The following USP15 variants were observed in gnomAD, a reference collection of about 807,000 sequenced individuals.
USP15 encodes the protein ubiquitin carboxyl-terminal hydrolase 15.
Under a neutral mutation model 127.1 loss-of-function variants are expected in USP15, and 18 were observed. The ratio of observed to expected loss-of-function variants is 0.14; its 90% confidence interval spans 0.10 to 0.21. The LOEUF is 0.21. Ranked by LOEUF, USP15 falls within the 10% of genes least tolerant of loss-of-function variation. The pLI is 1.00. For synonymous variants in USP15, 364 were observed against 393.7 expected (o/e 0.92, Z 0.89); for missense variants, 805 against 1,159.9 (o/e 0.69, Z 4.44).
At chr12:62,381,695 A>G in intron 9 of USP15, 32 bp downstream of exon 9, 2 of 1,591,634 alleles carry the variant, frequency 1.3e-6, no homozygotes, top group Non-Finnish European at 1.7e-6. Flanking sequence ...TAGCAAGGGT[A>G]CCTGCAAGGG....
intron 1 of USP15, among the ~76,000 whole-genome samples, chr12:62,277,209 A>C (rs191264627): frequency 1.3e-5 from 2 of 152,304 alleles, no homozygotes; most frequent in Non-Finnish European, 2.9e-5. Context: ...CACTTCCACA[A>C]GCAGACAATC....
At chr12:62,358,577 A>G (rs557692673) in intron 8 of USP15, among the ~76,000 whole-genome samples, 1 of 152,152 alleles carries the variant, frequency 6.6e-6, no homozygotes, top group South Asian at 2.1e-4. Context: ...TTAGCCGGGC[A>G]TGATGGTGGA....
intron 6 of USP15, among the ~76,000 whole-genome samples, chr12:62,346,335 TC>T (rs1159625829): frequency 2.2e-4 from 33 of 152,258 alleles, no homozygotes; most frequent in Non-Finnish European, 8.8e-5. Flanking sequence ...TTAGTGCTAC[TC>T]CTTTGATTCA....
chr12:62,368,620 A>G (rs762199577), intron 8 of USP15, among the ~76,000 whole-genome samples: 4 of 152,032 alleles, frequency 2.6e-5, no homozygotes, highest in Non-Finnish European at 4.4e-5. Flanking sequence ...ATCAAAGATT[A>G]CGCAACCCCT....
chr12:62,290,591 T>C (rs2063933359), intron 1 of USP15, among the ~76,000 whole-genome samples: 1 of 152,210 alleles, frequency 6.6e-6, no homozygotes, highest in South Asian at 2.1e-4. Context: ...AAGTAGAGCA[T>C]TTAACTCATT....
chr12:62,294,942 G>A (rs557650432), intron 2 of USP15, among the ~76,000 whole-genome samples: 4 of 152,272 alleles, frequency 2.6e-5, no homozygotes, highest in Admixed American at 2.6e-4. Flanking sequence ...AAATAGGTAA[G>A]CCCTCCAACT....
chr12:62,342,406 T>C (rs917654809), intron 6 of USP15, among the ~76,000 whole-genome samples: 1 of 151,904 alleles, frequency 6.6e-6, no homozygotes, highest in African/African-American at 2.4e-5. Flanking sequence ...CTGAAATCTT[T>C]TGTTAATTCA....
At chr12:62,374,860 G>A (rs889040375) in intron 8 of USP15, among the ~76,000 whole-genome samples, 1 of 152,034 alleles carries the variant, frequency 6.6e-6, no homozygotes, top group African/African-American at 2.4e-5. Flanking sequence ...GCAATGCATT[G>A]CATCTTTCCA....
At chr12:62,336,229 G>C (rs1337420817) in intron 6 of USP15, 1 of 985,262 alleles carries the variant, frequency 1.0e-6, no homozygotes, top group Non-Finnish European at 1.2e-6. Flanking sequence ...ATGCCATTCT[G>C]TATTTCTAGA....
chr12:62,278,258 G>T (rs532552546), intron 1 of USP15, among the ~76,000 whole-genome samples: 1 of 152,074 alleles, frequency 6.6e-6, no homozygotes, highest in Admixed American at 6.6e-5. Context: ...TGATATCAGT[G>T]CCTTCATCTG....
intron 8 of USP15, among the ~76,000 whole-genome samples, chr12:62,362,872 G>A (rs1160394919): frequency 2.0e-5 from 3 of 152,136 alleles, no homozygotes; most frequent in Non-Finnish European, 4.4e-5. Flanking sequence ...TTTAAGCTGG[G>A]TGTCATATTT....
At chr12:62,358,025 A>C (rs751518126) in intron 8 of USP15, among the ~76,000 whole-genome samples, 23 of 152,150 alleles carry the variant, frequency 1.5e-4, no homozygotes, top group Non-Finnish European at 2.6e-4. Flanking sequence ...GACGTTCATG[A>C]ATTTTAGAAA....
At position 62,325,803 on chromosome 12, in the gene USP15, G is replaced by T; in HGVS notation, c.622-69G>T. ...TTACTTTAGTTTCTTAGTTTATCCA[G>T]CTATCTTCTAAAGTTATTTTAACTT... On this transcript the variant is annotated intron_variant, in intron 5 of 21. Transcript: ENST00000280377. 6 of 1,305,378 alleles carry T rather than the reference G, an allele frequency of 4.6e-6. No individual in the cohort carries two copies. The Admixed American group carries it at 1.1e-4, about 23-fold the overall frequency. 80.9% of individuals were successfully genotyped at this position (1,305,378 alleles called of 1,614,324 possible). A position where few individuals can be genotyped will look rare whatever the true frequency, so the allele number is the denominator to read the frequency against.
At chr12:62,348,494 G>A (rs2065882294) in intron 6 of USP15, among the ~76,000 whole-genome samples, 1 of 152,120 alleles carries the variant, frequency 6.6e-6, no homozygotes, top group Admixed American at 6.5e-5. Context: ...TTGCCTAGAT[G>A]TTGCCTAGTA....
At chr12:62,279,084 C>T (rs1172416901) in intron 1 of USP15, 1 of 152,078 alleles carries the variant, frequency 6.6e-6, no homozygotes, top group Non-Finnish European at 1.5e-5. Flanking sequence ...ACTATAGGCA[C>T]AATATTGTAC....
At chr12:62,389,410 A>G in intron 11 of USP15, 21 bp from the exon 12 acceptor site, 1 of 1,590,804 alleles carries the variant, frequency 6.3e-7, no homozygotes, top group Non-Finnish European at 8.5e-7. Context: ...TAAATTCATT[A>G]CAATTTTTTT....
chr12:62,334,057 G>A (rs568255208), intron 6 of USP15: 4 of 152,254 alleles, frequency 2.6e-5, no homozygotes, highest in Non-Finnish European at 5.9e-5. Flanking sequence ...GCAAAAGAGG[G>A]GGTCGGAGGG....
intron 7 of USP15, among the ~76,000 whole-genome samples, chr12:62,350,522 A>G (rs1270780812): frequency 1.3e-5 from 2 of 152,224 alleles, no homozygotes; most frequent in Non-Finnish European, 2.9e-5. Context: ...ACTTGTTACA[A>G]ATGATAAAGG....
intron 1 of USP15, among the ~76,000 whole-genome samples, chr12:62,264,112 G>A (rs1246021640): frequency 2.0e-5 from 3 of 152,168 alleles, no homozygotes; most frequent in Non-Finnish European, 4.4e-5. Flanking sequence ...AGCCTCCGCA[G>A]TAGCTGGGCC....
Sources: gnomAD v4.1 joint callset for allele counts (sites outside exome capture counted in the v4.1 genomes callset) on GRCh38, gnomAD v4.1.1 for gene constraint, MANE v1.5 for transcripts, NCBI Gene and HGNC (gene_info 2026-07-23, HGNC 2026-07-21) for gene names.